The following NCOR1 variants were observed in gnomAD, a reference collection of about 807,000 sequenced individuals.
NCOR1 encodes protein phosphatase 1, regulatory subunit 109.
Under a neutral mutation model 288.1 loss-of-function variants are expected in NCOR1, and 63 were observed. The observed-to-expected ratio is 0.22, with a 90% CI of 0.18 to 0.27. The LOEUF (loss-of-function observed/expected upper bound fraction) is 0.27, where lower values mean the gene tolerates loss of function less well. NCOR1 is among the 10% of genes least tolerant of loss of function. The pLI is 1.00. For missense variants in NCOR1, 2,397 were observed against 3,019.2 expected, an observed-to-expected ratio of 0.79 and a Z score of 4.83; for synonymous variants, 1,007 against 1,065.9, an observed-to-expected ratio of 0.94 and a Z score of 1.08.
intron 3 of NCOR1, among the ~76,000 whole-genome samples, chr17:16,177,469 C>T (rs960363008): frequency 5.9e-5 from 9 of 152,130 alleles, no homozygotes; most frequent in African/African-American, 1.9e-4. Context: ...TTGTGGCAGC[C>T]TTTCTCTTTG....
chr17:16,057,450 G>C (rs1371877868), intron 40 of NCOR1, 64 bp downstream of exon 40: 29 of 1,473,662 alleles, frequency 2.0e-5, no homozygotes, highest in Non-Finnish European at 2.3e-5. Context: ...TCCTTATCCT[G>C]TAGATATATT....
At chr17:16,167,859 CAA>C in intron 4 of NCOR1, among the ~76,000 whole-genome samples, 1 of 62,654 alleles carries the variant, frequency 1.6e-5, no homozygotes, top group South Asian at 6.9e-4. Context: ...GACTCCATCT[CAA>C]AAAAAAAAAA....
At chr17:16,071,278 G>A in intron 30 of NCOR1, 131 bp downstream of exon 30, 2 of 1,308,946 alleles carry the variant, frequency 1.5e-6, no homozygotes, top group African/African-American at 1.5e-5. Context: ...AAAAAAAAAA[G>A]GTACAGGAAA....
intron 10 of NCOR1, among the ~76,000 whole-genome samples, chr17:16,145,574 G>A (rs115260925): frequency 0.038 from 5,630 of 149,736 alleles, 436 homozygotes; most frequent in African/African-American, 0.13. Context: ...GGTGATGAGC[G>A]TCTCTGCCCG....
intron 10 of NCOR1, among the ~76,000 whole-genome samples, chr17:16,145,012 T>C (rs1002666210): frequency 1.3e-5 from 2 of 152,214 alleles, no homozygotes; most frequent in Non-Finnish European, 2.9e-5. Context: ...CCTCCCTGCC[T>C]GATTCTCCTG....
rs2060120280 is a variant in NCOR1, at chr17:16,057,955, C to T, written c.6120G>A (p.Gly2040=). 1.2e-6 allele frequency: 2 copies of T among 1,614,140 alleles called. No individual in the cohort carries two copies. Among genetic ancestry groups the T allele is most frequent in the Non-Finnish European group, 8.5e-7 (1 of 1,180,016 alleles). Residue 2040 remains glycine, a synonymous_variant, in exon 39 of 46, where the codon GGG becomes GGA. Transcript: ENST00000268712. ...TCAGCCGATGGGTCCTGGGCACTTGCCCCATTCCCTCTGCCTGTGAAGAAG... is the reference window on the plus strand; with the variant it reads ...TCAGCCGATGGGTCCTGGGCACTTGTCCCATTCCCTCTGCCTGTGAAGAAG... ...LPPSSQAEGM[G]QVPRTHRLIT... is the part of the protein sequence containing the mutation.
chr17:16,207,502 G>A (rs998362866), intron 1 of NCOR1, among the ~76,000 whole-genome samples: 1 of 152,144 alleles, frequency 6.6e-6, no homozygotes, highest in Non-Finnish European at 1.5e-5. Context: ...AGCACTTTGG[G>A]AGGCCGAGGC....
intron 27 of NCOR1, 57 bp downstream of exon 27, chr17:16,075,477 C>T: frequency 6.4e-7 from 1 of 1,566,624 alleles, no homozygotes; most frequent in Non-Finnish European, 8.7e-7. Context: ...AAAACCCAAG[C>T]CTATGTTTTT....
intron 3 of NCOR1, among the ~76,000 whole-genome samples, chr17:16,185,683 C>CAAAAAAAA (rs58712974): frequency 6.0e-5 from 2 of 33,388 alleles, no homozygotes; most frequent in Non-Finnish European, 5.2e-5. Context: ...GACTCTTTCT[C>CAAAAAAAA]AAAAAAAAAA....
In NCOR1 at chr17:16,146,501, C is replaced by A; in HGVS notation, c.957G>T (p.Glu319Asp). ...TATTTTCTATTCTGTCCACTTTTTT[C>A]TCCCATGCCTCCATGAGCTGATCAT... is the stretch of plus-strand genomic sequence containing the variant. ...QRYDQLMEAW[E>D]KKVDRIENNP... Residue 319 changes from glutamate to aspartate, a missense_variant, in exon 10 of 46, where the codon GAG becomes GAT. Transcript: ENST00000268712. The A allele has an allele frequency of 6.2e-7, 1 of 1,613,164 alleles. No homozygotes were observed.
intron 16 of NCOR1, among the ~76,000 whole-genome samples, chr17:16,119,889 A>T (rs2072621522): frequency 6.6e-6 from 1 of 152,008 alleles, no homozygotes; most frequent in Admixed American, 6.6e-5. Flanking sequence ...TCTTGTCCTA[A>T]AACTCCTGGA....
At chr17:16,091,330 C>T (rs929293873) in intron 22 of NCOR1, among the ~76,000 whole-genome samples, 1 of 152,200 alleles carries the variant, frequency 6.6e-6, no homozygotes, top group African/African-American at 2.4e-5. Flanking sequence ...GCAAGGTAGA[C>T]GTGTACTATT....
intron 5 of NCOR1, among the ~76,000 whole-genome samples, chr17:16,161,278 C>A (rs2080815479): frequency 6.7e-6 from 1 of 149,264 alleles, no homozygotes; most frequent in Admixed American, 6.6e-5. Flanking sequence ...CACACTCCCT[C>A]ACCTGTTTTT....
intron 42 of NCOR1, 113 bp downstream of exon 42, chr17:16,046,838 G>C (rs1176824802): frequency 8.0e-7 from 1 of 1,246,624 alleles, no homozygotes; most frequent in East Asian, 2.5e-5. Context: ...AGATGTGTTG[G>C]ACAGATGTCC....
intron 11 of NCOR1, among the ~76,000 whole-genome samples, chr17:16,140,488 A>AC (rs2076994750): frequency 1.3e-5 from 2 of 152,068 alleles, no homozygotes; most frequent in African/African-American, 4.8e-5. Context: ...GTATAGTGAG[A>AC]CCCCATCTCT....
intron 22 of NCOR1, among the ~76,000 whole-genome samples, chr17:16,087,698 G>A (rs191462043): frequency 1.1e-3 from 171 of 152,260 alleles, no homozygotes; most frequent in South Asian, 8.5e-3. Context: ...TTAGCTTTGC[G>A]AGGATTTCAC....
intron 40 of NCOR1, 106 bp from the exon 41 acceptor site, chr17:16,049,094 G>T: frequency 8.2e-7 from 1 of 1,219,232 alleles, no homozygotes; most frequent in Non-Finnish European, 1.1e-6. Flanking sequence ...AGGAGCAAAA[G>T]CTGCCAATTT....
At chr17:16,117,318 A>G (rs1297654328) in intron 18 of NCOR1, among the ~76,000 whole-genome samples, 1 of 152,092 alleles carries the variant, frequency 6.6e-6, no homozygotes, top group African/African-American at 2.4e-5. Flanking sequence ...TCGGAGGAGG[A>G]AAGATAAGCT....
intron 40 of NCOR1, 39 bp downstream of exon 40, chr17:16,057,464 TTTGTTTTACTG>T: frequency 6.5e-7 from 1 of 1,539,068 alleles, no homozygotes; most frequent in East Asian, 2.2e-5. Context: ...ATATATTCCA[TTTGTTTTACTG>T]TTGGGCAATT....
Sources: gnomAD v4.1 joint callset for allele counts (sites outside exome capture counted in the v4.1 genomes callset) on GRCh38, gnomAD v4.1.1 for gene constraint, MANE v1.5 for transcripts, NCBI Gene and HGNC (gene_info 2026-07-23, HGNC 2026-07-21) for gene names.